The following GPC6 variants were observed in gnomAD, a reference collection of about 807,000 sequenced individuals.
The protein encoded by GPC6 is glypican 6.
In GPC6, 14 loss-of-function variants were observed where a neutral mutation model predicts 55.2. The ratio of observed to expected loss-of-function variants is 0.25; its 90% confidence interval spans 0.17 to 0.40. The LOEUF (loss-of-function observed/expected upper bound fraction) is 0.40. Among genes scored for constraint, GPC6 ranks in the 10% least tolerant of loss-of-function variants. The pLI, the probability that GPC6 is intolerant of heterozygous loss-of-function variation, is 1.00. For synonymous variants in GPC6, 278 were observed against 259.6 expected (o/e 1.07, Z -0.68); for missense variants, 641 against 708.5 (o/e 0.90, Z 1.08).
chr13:93,576,761 G>C (rs1164004724), intron 2 of GPC6, among the ~76,000 whole-genome samples: 1 of 152,030 alleles, frequency 6.6e-6, no homozygotes, highest in Non-Finnish European at 1.5e-5. Flanking sequence ...CACAAATTCT[G>C]ATGAATATAA....
chr13:93,955,027 C>T (rs552052617), intron 3 of GPC6, among the ~76,000 whole-genome samples: 1 of 152,230 alleles, frequency 6.6e-6, no homozygotes, highest in African/African-American at 2.4e-5. Flanking sequence ...AGACCTCTGC[C>T]TTAAAGTCCT....
intron 4 of GPC6, among the ~76,000 whole-genome samples, chr13:94,103,164 G>A (rs953936421): frequency 6.6e-6 from 1 of 152,152 alleles, no homozygotes; most frequent in African/African-American, 2.4e-5. Context: ...GCAATAGTTT[G>A]CTGAGAATGA....
In GPC6 at chr13:94,306,142, A is replaced by T; in HGVS notation, c.1152+19A>T. ...CCGGCTGGTGAGTATTCACAGATTGATAACCATGGCGGATGCTTTGTTTTA... is the reference window on the plus strand; with the variant it reads ...CCGGCTGGTGAGTATTCACAGATTGTTAACCATGGCGGATGCTTTGTTTTA... On this transcript the variant is annotated intron_variant, in intron 6 of 8. Coordinates refer to ENST00000377047, the MANE Select transcript of GPC6 (RefSeq NM_005708.5). 6 of 1,613,894 alleles carry T rather than the reference A, an allele frequency of 3.7e-6. No individual in the cohort carries two copies. The highest frequency in any genetic ancestry group is 5.1e-6 in the Non-Finnish European group (6 of 1,179,742).
At chr13:93,994,144 AT>A (rs1018197445) in intron 3 of GPC6, among the ~76,000 whole-genome samples, 18 of 152,096 alleles carry the variant, frequency 1.2e-4, no homozygotes, top group Non-Finnish European at 2.5e-4. Context: ...ATAAATTATA[AT>A]TTTTTCACAG....
intron 1 of GPC6, among the ~76,000 whole-genome samples, chr13:93,298,538 G>A (rs944807404): frequency 1.2e-4 from 18 of 152,022 alleles, no homozygotes; most frequent in Non-Finnish European, 5.9e-5. Flanking sequence ...GGGCTTAAGC[G>A]ATCCTCCCAT....
intron 3 of GPC6, among the ~76,000 whole-genome samples, chr13:93,869,301 TTAGA>T (rs1437968024): frequency 2.0e-5 from 3 of 151,960 alleles, no homozygotes; most frequent in South Asian, 4.1e-4. Context: ...CAGTTGGAGC[TTAGA>T]TAGAGCACAG....
chr13:93,882,064 T>C (rs1360385025), intron 3 of GPC6, among the ~76,000 whole-genome samples: 1 of 151,822 alleles, frequency 6.6e-6, no homozygotes, highest in Non-Finnish European at 1.5e-5. Flanking sequence ...CTCCCTCCTT[T>C]CTTTTCTTTT....
In GPC6 at chr13:93,956,277, A is replaced by G. The variant is rs562724603; in HGVS notation, c.712-71452A>G. Among the ~76,000 whole-genome samples, 4 of 152,246 alleles carry G rather than the reference A, an allele frequency of 2.6e-5. No homozygotes were observed. In the South Asian group the frequency reaches 6.2e-4, roughly 24 times the overall value. Reference sequence around the variant, plus strand: ...ATTCTGCAAGCAAGGTACATAGTACATAATACATAATACTTAATGATTATC... The same window carrying G: ...ATTCTGCAAGCAAGGTACATAGTACGTAATACATAATACTTAATGATTATC... On this transcript the variant is annotated intron_variant, in intron 3 of 8. Transcript: ENST00000377047.
chr13:94,234,985 G>C (rs1356861091), intron 4 of GPC6, among the ~76,000 whole-genome samples: 1 of 152,144 alleles, frequency 6.6e-6, no homozygotes, highest in Non-Finnish European at 1.5e-5. Flanking sequence ...TCAATGCATA[G>C]AGCCTTTTAG....
chr13:93,675,323 TC>T (rs1001175697), intron 2 of GPC6, among the ~76,000 whole-genome samples: 1 of 151,574 alleles, frequency 6.6e-6, no homozygotes, highest in African/African-American at 2.4e-5. Flanking sequence ...AGTGTTTTTT[TC>T]CTTAAAAAAA....
intron 2 of GPC6, among the ~76,000 whole-genome samples, chr13:93,624,649 A>G (rs1214097030): frequency 6.6e-6 from 1 of 152,216 alleles, no homozygotes; most frequent in Non-Finnish European, 1.5e-5. Flanking sequence ...ACTCATGTAA[A>G]AAATAAATTA....
intron 4 of GPC6, among the ~76,000 whole-genome samples, chr13:94,195,690 G>C (rs191670005): frequency 6.6e-6 from 1 of 152,208 alleles, no homozygotes; most frequent in Admixed American, 6.5e-5. Context: ...TGTAGTAAGA[G>C]CTATGAGACT....
chr13:94,075,072 A>T (rs1179793859), intron 4 of GPC6, among the ~76,000 whole-genome samples: 1 of 152,184 alleles, frequency 6.6e-6, no homozygotes, highest in African/African-American at 2.4e-5. Flanking sequence ...GTTACAACAC[A>T]TGGGAAAAAT....
chr13:93,953,392 G>A (rs1435170663), intron 3 of GPC6, among the ~76,000 whole-genome samples: 1 of 152,054 alleles, frequency 6.6e-6, no homozygotes, highest in African/African-American at 2.4e-5. Context: ...ATCTTTGGTG[G>A]AATATTTGGT....
At chr13:93,826,767 T>C (rs1391437785) in intron 2 of GPC6, among the ~76,000 whole-genome samples, 1 of 152,172 alleles carries the variant, frequency 6.6e-6, no homozygotes. Context: ...TTTGGAGCCT[T>C]TCTCAGTTAT....
chr13:94,002,957 A>C (rs1881870034), intron 3 of GPC6, among the ~76,000 whole-genome samples: 1 of 152,184 alleles, frequency 6.6e-6, no homozygotes, highest in South Asian at 2.1e-4. Flanking sequence ...ATTTGATAGG[A>C]TCCTGCTATT....
chr13:93,812,328 G>A (rs956476567), intron 2 of GPC6, among the ~76,000 whole-genome samples: 1 of 151,968 alleles, frequency 6.6e-6, no homozygotes, highest in East Asian at 1.9e-4. Context: ...GGAGGTTGCA[G>A]TGAGCCGAGG....
chr13:93,264,274 T>A (rs1030448655), intron 1 of GPC6, among the ~76,000 whole-genome samples: 1 of 152,174 alleles, frequency 6.6e-6, no homozygotes, highest in African/African-American at 2.4e-5. Context: ...AGTACAGATA[T>A]CCCTCGGTAT....
intron 4 of GPC6, among the ~76,000 whole-genome samples, chr13:94,213,038 C>T (rs1462624912): frequency 6.6e-6 from 1 of 152,116 alleles, no homozygotes; most frequent in East Asian, 1.9e-4. Flanking sequence ...TGCCTGTAAT[C>T]CCAGCTACCT....
Sources: allele counts gnomAD v4.1 joint callset (sites outside exome capture counted in the v4.1 genomes callset), GRCh38; gene constraint gnomAD v4.1.1; transcripts MANE v1.5; gene names NCBI Gene and HGNC (gene_info 2026-07-23, HGNC 2026-07-21).